NSMCE2: variants seen among roughly 807,000 people sequenced by gnomAD.
The protein encoded by NSMCE2 is E3 SUMO-protein ligase NSE2.
NSMCE2 carries 24 observed loss-of-function variants against 23.8 expected under a neutral mutation model. The observed-to-expected ratio is 1.01, with a 90% CI of 0.73 to 1.42. The LOEUF (loss-of-function observed/expected upper bound fraction) is 1.42. NSMCE2 is among the 40% of genes most tolerant of loss of function. The pLI, the probability that NSMCE2 is intolerant of heterozygous loss-of-function variation, is 0.00. For missense variants in NSMCE2, 284 were observed against 296.5 expected, an observed-to-expected ratio of 0.96 and a Z score of 0.31; for synonymous variants, 92 against 94.1, an observed-to-expected ratio of 0.98 and a Z score of 0.13.
intron 4 of NSMCE2, among the ~76,000 whole-genome samples, chr8:125,180,621 T>C (rs1025733400): frequency 6.6e-6 from 1 of 152,250 alleles, no homozygotes; most frequent in Non-Finnish European, 1.5e-5. Context: ...TCAAGAATTT[T>C]CTGTATCTAA....
At chr8:125,151,620 A>G (rs1821035726) in intron 4 of NSMCE2, among the ~76,000 whole-genome samples, 1 of 152,224 alleles carries the variant, frequency 6.6e-6, no homozygotes, top group African/African-American at 2.4e-5. Context: ...TAAACATACA[A>G]TTGAGACCAG....
intron 4 of NSMCE2, among the ~76,000 whole-genome samples, chr8:125,171,455 G>A (rs757684732): frequency 2.0e-5 from 3 of 152,104 alleles, no homozygotes; most frequent in South Asian, 2.1e-4. Context: ...TAATTAGACC[G>A]CTCCTCAGCT....
At chr8:125,296,723 T>G (rs1563769277) in intron 5 of NSMCE2, among the ~76,000 whole-genome samples, 1 of 152,138 alleles carries the variant, frequency 6.6e-6, no homozygotes, top group African/African-American at 2.4e-5. Flanking sequence ...AGAAAGCTTT[T>G]AACATTTCCT....
At chr8:125,168,018 G>A (rs1371878203) in intron 4 of NSMCE2, among the ~76,000 whole-genome samples, 2 of 152,134 alleles carry the variant, frequency 1.3e-5, no homozygotes, top group African/African-American at 2.4e-5. Context: ...CATACAGTTC[G>A]GGTATTTCAT....
chr8:125,119,381 T>C (rs1819165511), intron 3 of NSMCE2, among the ~76,000 whole-genome samples: 1 of 152,246 alleles, frequency 6.6e-6, no homozygotes. Context: ...CTTTTTAGTT[T>C]TTAAAACAGC....
At chr8:125,252,863 G>C (rs991171044) in intron 5 of NSMCE2, among the ~76,000 whole-genome samples, 1 of 152,260 alleles carries the variant, frequency 6.6e-6, no homozygotes, top group African/African-American at 2.4e-5. Flanking sequence ...GCAAGCTCCG[G>C]AAAGAGCCAA....
intron 4 of NSMCE2, among the ~76,000 whole-genome samples, chr8:125,156,932 TTGCAGGTTGGAAGTTA>T (rs1821351529): frequency 6.6e-6 from 1 of 152,194 alleles, no homozygotes; most frequent in Admixed American, 6.5e-5. Flanking sequence ...ATAGGGTATC[TTGCAGGTTGGAAGTTA>T]CCATTTTAGT....
At chr8:125,123,649 C>T (rs1309742159) in intron 3 of NSMCE2, among the ~76,000 whole-genome samples, 1 of 146,472 alleles carries the variant, frequency 6.8e-6, no homozygotes, top group African/African-American at 2.5e-5. Context: ...ATCAACATGT[C>T]CCATGCCAGT....
chr8:125,272,114 C>T (rs112660679), intron 5 of NSMCE2, among the ~76,000 whole-genome samples: 12,769 of 150,000 alleles, frequency 0.085, 617 homozygotes, highest in African/African-American at 0.13. Flanking sequence ...CCCGGGTTCA[C>T]GCCATTCTCC....
chr8:125,345,074 T>G lies in NSMCE2; in HGVS notation c.419-12145T>G, dbSNP rs186913689. On this transcript the variant is annotated intron_variant, in intron 5 of 7. Coordinates refer to ENST00000287437, the MANE Select transcript of NSMCE2 (RefSeq NM_173685.4). ...CACATTTTTGACAGCCGATTACTACTGTACTTCTGTACTTTTCTGGGGACA... is the reference window on the plus strand; with the variant it reads ...CACATTTTTGACAGCCGATTACTACGGTACTTCTGTACTTTTCTGGGGACA... Among the ~76,000 whole-genome samples the G allele has an allele frequency of 2.1e-3, 316 of 150,588 alleles. 1 individual carries two copies. Among genetic ancestry groups the G allele is most frequent in the African/African-American group, 7.5e-3 (301 of 40,126 alleles).
chr8:125,325,076 T>C (rs1829609209), intron 5 of NSMCE2, among the ~76,000 whole-genome samples: 1 of 152,176 alleles, frequency 6.6e-6, no homozygotes, highest in Admixed American at 6.5e-5. Context: ...TCAAATTATA[T>C]ACTTTATATG....
At chr8:125,149,229 C>T (rs1021874267) in intron 3 of NSMCE2, among the ~76,000 whole-genome samples, 1 of 152,128 alleles carries the variant, frequency 6.6e-6, no homozygotes, top group Non-Finnish European at 1.5e-5. Flanking sequence ...GTATTCTTTG[C>T]TGCCTGGATA....
At chr8:125,194,752 G>C (rs903905887) in intron 5 of NSMCE2, among the ~76,000 whole-genome samples, 8 of 152,106 alleles carry the variant, frequency 5.3e-5, no homozygotes, top group African/African-American at 1.7e-4. Flanking sequence ...TTTTCAATGT[G>C]CAGTCTATGA....
intron 5 of NSMCE2, among the ~76,000 whole-genome samples, chr8:125,252,648 T>A (rs1412154005): frequency 3.3e-5 from 5 of 152,258 alleles, no homozygotes; most frequent in African/African-American, 7.2e-5. Flanking sequence ...GTACACAAAT[T>A]AGTAGTACAT....
rs535048310 is a variant in NSMCE2 at position 125,251,242 on chromosome 8, G to A, written c.418+68986G>A. Among the ~76,000 whole-genome samples the A allele has an allele frequency of 2.0e-5, 3 of 152,074 alleles. No individual in the cohort carries two copies. In the South Asian group the frequency reaches 6.2e-4, roughly 31 times the overall value. On this transcript the variant is annotated intron_variant, in intron 5 of 7. Coordinates refer to ENST00000287437, the MANE Select transcript of NSMCE2 (RefSeq NM_173685.4). ...ACCCATTAGAAAGTTTCAGGGAGAC[G>A]CAGGGAACAGAATAAATAAGCAAAC...
intron 4 of NSMCE2, among the ~76,000 whole-genome samples, chr8:125,159,483 A>G (rs938199703): frequency 6.6e-6 from 1 of 152,168 alleles, no homozygotes; most frequent in Non-Finnish European, 1.5e-5. Flanking sequence ...GTAGCCTAGG[A>G]GTAATAGGCT....
intron 3 of NSMCE2, among the ~76,000 whole-genome samples, chr8:125,113,043 ATATT>A (rs1350604610): frequency 8.4e-6 from 1 of 119,348 alleles, no homozygotes; most frequent in Non-Finnish European, 1.6e-5. Flanking sequence ...AAGTGAATAT[ATATT>A]AACAGAAAAT....
At chr8:125,343,190 G>A (rs1333206509) in intron 5 of NSMCE2, among the ~76,000 whole-genome samples, 2 of 152,038 alleles carry the variant, frequency 1.3e-5, no homozygotes, top group African/African-American at 2.4e-5. Flanking sequence ...GTGGGTGAGG[G>A]GACATACTCC....
intron 5 of NSMCE2, among the ~76,000 whole-genome samples, chr8:125,316,542 TTGTC>T (rs981421547): frequency 1.8e-4 from 28 of 152,348 alleles, no homozygotes; most frequent in African/African-American, 4.8e-4. Context: ...AGAATAACCG[TTGTC>T]TGTCTGTCTT....
Sources: allele counts gnomAD v4.1 joint callset (sites outside exome capture counted in the v4.1 genomes callset), GRCh38; gene constraint gnomAD v4.1.1; transcripts MANE v1.5; gene names NCBI Gene and HGNC (gene_info 2026-07-23, HGNC 2026-07-21).